Variants in USH2A observed in about 807,000 individuals in gnomAD.
The protein encoded by USH2A is Usher syndrome 2A (autosomal recessive, mild).
In USH2A, 443 loss-of-function variants were observed where a neutral mutation model predicts 538.9. The observed-to-expected ratio is 0.82, with a 90% CI of 0.76 to 0.89. USH2A has a LOEUF of 0.89. Ranked by LOEUF, USH2A falls within the 40% of genes least tolerant of loss-of-function variation. The probability of loss-of-function intolerance (pLI) is 0.00; values close to 1 mark genes in which losing one functional copy is unlikely to be tolerated. For synonymous variants in USH2A, 2,413 were observed against 2,273.5 expected (o/e 1.06, Z -1.75); for missense variants, 6,633 against 6,324.8 (o/e 1.05, Z -1.65).
At chr1:216,045,002 C>G (rs114060748) in intron 32 of USH2A, among the ~76,000 whole-genome samples, 2,517 of 152,248 alleles carry the variant, frequency 0.017, 51 homozygotes, top group African/African-American at 0.055. Flanking sequence ...CCTGTCCACA[C>G]GACTTGCTCC....
Position 215,977,785 on chromosome 1 carries a change from A to G in USH2A, c.6806-7009T>C, listed in dbSNP as rs146936301. 1.9e-3 allele frequency among the ~76,000 whole-genome samples: 288 copies of G among 152,310 alleles called. 2 individuals carry two copies. The highest frequency in any genetic ancestry group is 6.6e-3 in the African/African-American group (275 of 41,580). ...CTCAGTCTCCCAAAGTGTTGAGATT[A>G]CAGGCATGAGCCACTGCCACCAGCC... On this transcript the variant is annotated intron_variant, in intron 35 of 71. Transcript: ENST00000307340.
Position 216,324,315 on chromosome 1 carries a change from G to A in USH2A, c.1181C>T (p.Pro394Leu). Residue 394 changes from proline to leucine, a missense_variant, in exon 7 of 72, where the codon CCA becomes CTA. Transcript: ENST00000307340. ...YIIIQFFSPQ[P>L]TEIRIQRKKE... ...CTTCCTTTGAATCCTTATTTCCGTT[G>A]GTTGTGGACTAAAGAACTGAATGAT... is the stretch of plus-strand genomic sequence containing the variant. The A allele has an allele frequency of 6.2e-7, 1 of 1,612,480 alleles. No homozygotes were observed. Among genetic ancestry groups the A allele is most frequent in the African/African-American group, 1.3e-5 (1 of 74,908 alleles).
chr1:215,939,892 C>A (rs1301778260), intron 37 of USH2A, among the ~76,000 whole-genome samples: 1 of 151,998 alleles, frequency 6.6e-6, no homozygotes, highest in Non-Finnish European at 1.5e-5. Flanking sequence ...ACATGAACAA[C>A]CAATCAGAAT....
chr1:216,394,718 G>GTTTTTTTTTTTTTTTTTTTT (rs1571775823), intron 3 of USH2A, among the ~76,000 whole-genome samples: 1 of 58,708 alleles, frequency 1.7e-5, no homozygotes, highest in Non-Finnish European at 4.2e-5. Flanking sequence ...AACTGGTCCA[G>GTTTTTTTTTTTTTTTTTTTT]TCTTTTTTTT....
At chr1:215,982,138 T>C (rs1667766458) in intron 35 of USH2A, among the ~76,000 whole-genome samples, 1 of 152,224 alleles carries the variant, frequency 6.6e-6, no homozygotes, top group Admixed American at 6.5e-5. Flanking sequence ...AGCCCTTCTG[T>C]CATGACCACG....
rs140593393 is a variant in USH2A, at chr1:216,415,546, T to TCGCCCAGACA, written c.651+2967_651+2968insTGTCTGGGCG. The stretch of plus-strand genomic sequence containing the variant: ...TTTTTTTTTTTTTCAGACAGGATCT[T>TCGCCCAGACA]GCTCTTTCGCCCAGGCTGGAATGCA... On this transcript the variant is annotated intron_variant, in intron 3 of 71. Transcript: ENST00000307340. Among the ~76,000 whole-genome samples the TCGCCCAGACA allele has an allele frequency of 7.5e-3, 1,111 of 147,834 alleles. 9 individuals carry two copies. Among genetic ancestry groups the TCGCCCAGACA allele is most frequent in the East Asian group, 0.028 (137 of 4,916 alleles).
At position 215,680,350 on chromosome 1, in the gene USH2A, G is replaced by T. The variant is rs55921307; in HGVS notation, c.12093C>A (p.Tyr4031Ter). 6.2e-7 allele frequency: 1 copy of T among 1,613,804 alleles called. No homozygotes were observed. Among genetic ancestry groups the T allele is most frequent in the Non-Finnish European group, 8.5e-7 (1 of 1,179,936 alleles). ...GATATGTTGTGAATGGTTCTAACCC[G>T]TACAGGTGGGCTTGATGGCTTGTTC... is the stretch of plus-strand genomic sequence containing the variant. ...VKGTSHQAHL[Y>*]GLEPFTTYRI... The change falls in exon 62 of 72, where the codon TAC (tyrosine) becomes TAA (stop). Residue 4031 changes from tyrosine (Y) to a stop codon, truncating the protein, a stop_gained. Coordinates refer to ENST00000307340, the MANE Select transcript of USH2A (RefSeq NM_206933.4). LOFTEE classifies it high-confidence loss of function.
chr1:216,300,724 C>T (rs2037198201), intron 9 of USH2A, among the ~76,000 whole-genome samples: 1 of 151,424 alleles, frequency 6.6e-6, no homozygotes, highest in Non-Finnish European at 1.5e-5. Flanking sequence ...ATCAACTCCA[C>T]TCCTGATAGA....
At chr1:215,829,769 C>T (rs1287564765) in intron 47 of USH2A, among the ~76,000 whole-genome samples, 2 of 152,134 alleles carry the variant, frequency 1.3e-5, no homozygotes, top group Non-Finnish European at 2.9e-5. Flanking sequence ...GAAAATGTTA[C>T]TCTGCTACTA....
At chr1:216,141,369 C>A (rs1245320135) in intron 21 of USH2A, among the ~76,000 whole-genome samples, 1 of 152,180 alleles carries the variant, frequency 6.6e-6, no homozygotes, top group Admixed American at 6.5e-5. Flanking sequence ...AGGCTGGCAC[C>A]CTAGCGAGCA....
At chr1:216,377,114 G>A (rs142438256) in intron 3 of USH2A, among the ~76,000 whole-genome samples, 2 of 152,200 alleles carry the variant, frequency 1.3e-5, no homozygotes, top group East Asian at 3.9e-4. Flanking sequence ...AAAACTAAAT[G>A]AAGAGCCATG....
In USH2A at chr1:215,741,357, A is replaced by C; in HGVS notation, c.11711+18T>G. ...GCATTCTTAAATAACTAAAAATAAT[A>C]GTAACAGCCAATCTTACCTGTAAAT... is the stretch of plus-strand genomic sequence containing the variant. On this transcript the variant is annotated intron_variant, in intron 60 of 71. Transcript: ENST00000307340. 1 of 1,613,896 alleles carries C rather than the reference A, an allele frequency of 6.2e-7. No individual in the cohort carries two copies.
intron 47 of USH2A, among the ~76,000 whole-genome samples, chr1:215,836,506 T>TATTA (rs1553267742): frequency 3.3e-4 from 6 of 18,318 alleles, no homozygotes; most frequent in South Asian, 1.9e-3. Context: ...ATAATATATA[T>TATTA]TATATATATA....
chr1:215,733,383 A>G (rs766837885), intron 60 of USH2A, among the ~76,000 whole-genome samples: 1 of 152,188 alleles, frequency 6.6e-6, no homozygotes, highest in Non-Finnish European at 1.5e-5. Context: ...TGTTTTTAGC[A>G]TGAGATTTAG....
At chr1:216,093,201 G>A (rs995497987) in intron 22 of USH2A, among the ~76,000 whole-genome samples, 1 of 151,926 alleles carries the variant, frequency 6.6e-6, no homozygotes, top group African/African-American at 2.4e-5. Flanking sequence ...CTGACCTTGT[G>A]ATCCACCCGC....
At chr1:215,732,672 G>C (rs1263554460) in intron 60 of USH2A, among the ~76,000 whole-genome samples, 1 of 150,518 alleles carries the variant, frequency 6.6e-6, no homozygotes, top group African/African-American at 2.5e-5. Flanking sequence ...CTCCCGAGTG[G>C]CTGGGACTAC....
chr1:215,640,524 C>A, intron 68 of USH2A, 34 bp downstream of exon 68: 1 of 1,612,646 alleles, frequency 6.2e-7, no homozygotes, highest in Non-Finnish European at 8.5e-7. Context: ...AACAGAGCGC[C>A]TTCCACACTG....
Position 215,741,550 on chromosome 1 carries a change from A to G in USH2A, c.11549-13T>C. The G allele has an allele frequency of 5.0e-6, 8 of 1,612,134 alleles. No individual in the cohort carries two copies. The highest frequency in any genetic ancestry group is 6.8e-6 in the Non-Finnish European group (8 of 1,179,610). The stretch of plus-strand genomic sequence containing the variant: ...ACTCCACAACTTCCTTGAAAAAAAA[A>G]AAATTGAGGTCTTTATTATTTTTCA... On this transcript the variant is annotated splice_polypyrimidine_tract_variant and intron_variant, in intron 59 of 71. Transcript: ENST00000307340.
intron 40 of USH2A, among the ~76,000 whole-genome samples, chr1:215,899,785 T>C (rs1665441915): frequency 1.3e-5 from 2 of 152,152 alleles, no homozygotes; most frequent in South Asian, 4.1e-4. Flanking sequence ...AACCTTTCTC[T>C]TGCAGGGCGC....
Sources: allele counts gnomAD v4.1 joint callset (sites outside exome capture counted in the v4.1 genomes callset), GRCh38; gene constraint gnomAD v4.1.1; transcripts MANE v1.5; gene names NCBI Gene and HGNC (gene_info 2026-07-23, HGNC 2026-07-21).